LIPA: variants seen among roughly 807,000 people sequenced by gnomAD.
LIPA encodes lysosomal acid lipase/cholesteryl ester hydrolase.
Under a neutral mutation model 40.6 loss-of-function variants are expected in LIPA, and 26 were observed. The observed-to-expected ratio is 0.64, with a 90% confidence interval of 0.47 to 0.89. The LOEUF is 0.89. Among genes scored for constraint, LIPA ranks in the 40% least tolerant of loss-of-function variants. The probability of loss-of-function intolerance (pLI) is 0.00; values close to 1 mark genes in which losing one functional copy is unlikely to be tolerated. For synonymous variants in LIPA, 188 were observed against 168.4 expected (o/e 1.12, Z -0.90); for missense variants, 455 against 479.6 (o/e 0.95, Z 0.48).
intron 1 of LIPA, chr10:89,327,993 T>G: frequency 2.0e-6 from 3 of 1,482,900 alleles, no homozygotes; most frequent in Non-Finnish European, 2.8e-6. Flanking sequence ...AGTATTTACT[T>G]GAGGCAGACA....
intron 2 of LIPA, among the ~76,000 whole-genome samples, chr10:89,380,100 T>G (rs997984540): frequency 5.9e-5 from 9 of 151,980 alleles, no homozygotes; most frequent in Non-Finnish European, 1.2e-4. Flanking sequence ...AAAGCAAGCC[T>G]TTCATTCCCT....
intron 2 of LIPA, among the ~76,000 whole-genome samples, chr10:89,352,157 T>G (rs565924015): frequency 6.6e-6 from 1 of 152,304 alleles, no homozygotes; most frequent in African/African-American, 2.4e-5. Flanking sequence ...TAGCCAATCA[T>G]CTGAAGCCAC....
chr10:89,369,750 T>C (rs1844081268), intron 2 of LIPA, among the ~76,000 whole-genome samples: 3 of 152,240 alleles, frequency 2.0e-5, no homozygotes, highest in Admixed American at 2.0e-4. Context: ...TATAAAGTCT[T>C]AGATACTAGC....
intron 3 of LIPA, among the ~76,000 whole-genome samples, chr10:89,237,520 G>A (rs1401379772): frequency 6.6e-6 from 1 of 152,006 alleles, no homozygotes; most frequent in African/African-American, 2.4e-5. Flanking sequence ...CAAGCACCAG[G>A]ATTTAAGGCA....
chr10:89,288,019 C>G (rs1028930060), intron 1 of LIPA, among the ~76,000 whole-genome samples: 1 of 152,198 alleles, frequency 6.6e-6, no homozygotes, highest in East Asian at 1.9e-4. Context: ...TTCACTTGGA[C>G]TGACCCCGAC....
At chr10:89,392,736 C>T (rs1482218356) in intron 2 of LIPA, 3 of 1,613,394 alleles carry the variant, frequency 1.9e-6, no homozygotes, top group Non-Finnish European at 1.7e-6. Flanking sequence ...TTCTTTGCTC[C>T]TCTGCCATAA....
chr10:89,329,750 T>C (rs529554924), intron 1 of LIPA, among the ~76,000 whole-genome samples: 14 of 152,272 alleles, frequency 9.2e-5, no homozygotes, highest in African/African-American at 3.1e-4. Flanking sequence ...CATTTCTTTG[T>C]GATCTGTAGT....
At chr10:89,223,079 G>A (rs570737856) in intron 7 of LIPA, among the ~76,000 whole-genome samples, 7 of 152,106 alleles carry the variant, frequency 4.6e-5, no homozygotes, top group African/African-American at 1.7e-4. Flanking sequence ...TTTATAAAAT[G>A]TACTTTTATA....
At chr10:89,368,215 G>A (rs1844072482) in intron 2 of LIPA, among the ~76,000 whole-genome samples, 2 of 152,328 alleles carry the variant, frequency 1.3e-5, no homozygotes, top group South Asian at 4.1e-4. Flanking sequence ...AAATAGTGTG[G>A]TGAACTTGTG....
intron 1 of LIPA, chr10:89,339,686 A>G (rs2133571128): frequency 6.2e-7 from 1 of 1,614,178 alleles, no homozygotes; most frequent in Non-Finnish European, 8.5e-7. Flanking sequence ...ACGGAATGTT[A>G]TCAGACACCA....
intron 2 of LIPA, among the ~76,000 whole-genome samples, chr10:89,366,108 G>A (rs892242734): frequency 6.6e-6 from 1 of 152,172 alleles, no homozygotes; most frequent in Non-Finnish European, 1.5e-5. Context: ...CCATTTGTTT[G>A]TGTCCTCTTT....
At chr10:89,377,542 G>A (rs1844130730) in intron 2 of LIPA, among the ~76,000 whole-genome samples, 1 of 152,184 alleles carries the variant, frequency 6.6e-6, no homozygotes, top group Admixed American at 6.5e-5. Flanking sequence ...TCAAAATTGA[G>A]GAGTTGTTTT....
intron 2 of LIPA, among the ~76,000 whole-genome samples, chr10:89,407,098 T>C (rs1356963630): frequency 6.6e-6 from 1 of 152,132 alleles, no homozygotes; most frequent in South Asian, 2.1e-4. Context: ...CAGCTTCCAT[T>C]ATTCCTGTAC....
At chr10:89,258,763 A>G (rs7094601) in intron 1 of LIPA, among the ~76,000 whole-genome samples, 104,856 of 152,156 alleles carry the variant, frequency 0.69, 38,244 homozygotes, top group East Asian at 0.97. Flanking sequence ...AATGTTCATA[A>G]GAGCATCACT....
At chr10:89,274,738 C>T (rs1843281656) in intron 1 of LIPA, among the ~76,000 whole-genome samples, 1 of 152,160 alleles carries the variant, frequency 6.6e-6, no homozygotes, top group Non-Finnish European at 1.5e-5. Context: ...GCCACCAGAA[C>T]TCCCAGCAGG....
chr10:89,390,966 A>G (rs979245826), intron 2 of LIPA, among the ~76,000 whole-genome samples: 1 of 152,202 alleles, frequency 6.6e-6, no homozygotes, highest in Admixed American at 6.5e-5. Context: ...TGTCCTATTA[A>G]TTCAGAAATT....
In LIPA at chr10:89,321,091, G is replaced by T. The variant is rs1217939654; in HGVS notation, c.-2+21520C>A. On this transcript the variant is annotated intron_variant, in intron 1 of 5. Coordinates refer to the LIPA transcript ENST00000282673. The stretch of plus-strand genomic sequence containing the variant: ...TTCAAGATGGATTAAAGATTTAAAT[G>T]TTAGACCTAAAACCATAAAAACCCT... Among the ~76,000 whole-genome samples the T allele has an allele frequency of 2.0e-5, 3 of 151,988 alleles. No individual in the cohort carries two copies. The East Asian group carries it at 5.8e-4, about 29-fold the overall frequency.
At chr10:89,256,830 G>T (rs972516926) in intron 1 of LIPA, among the ~76,000 whole-genome samples, 2 of 152,194 alleles carry the variant, frequency 1.3e-5, no homozygotes, top group Non-Finnish European at 2.9e-5. Context: ...CTTCACTCAG[G>T]TAGGGGAAGA....
chr10:89,265,161 G>T (rs1843228553), intron 1 of LIPA, among the ~76,000 whole-genome samples: 1 of 151,074 alleles, frequency 6.6e-6, no homozygotes, highest in Non-Finnish European at 1.5e-5. Context: ...CAGGCAGTAG[G>T]AGCAGGCACT....
Sources: gnomAD v4.1 joint callset for allele counts (sites outside exome capture counted in the v4.1 genomes callset) on GRCh38, gnomAD v4.1.1 for gene constraint, MANE v1.5 for transcripts, NCBI Gene and HGNC (gene_info 2026-07-23, HGNC 2026-07-21) for gene names.